MOV10L1: variants seen among roughly 807,000 people sequenced by gnomAD.
The protein encoded by MOV10L1 is RNA helicase Mov10l1.
In MOV10L1, 110 loss-of-function variants were observed where a neutral mutation model predicts 143.8. The observed-to-expected ratio is 0.76, with a 90% CI of 0.66 to 0.90. The LOEUF is 0.90. Among genes scored for constraint, MOV10L1 ranks in the 40% least tolerant of loss-of-function variants. The probability of loss-of-function intolerance (pLI) is 0.00; values close to 1 mark genes in which losing one functional copy is unlikely to be tolerated. For synonymous variants in MOV10L1, 593 were observed against 581.1 expected (o/e 1.02, Z -0.29); for missense variants, 1,406 against 1,526.8 (o/e 0.92, Z 1.32).
At chr22:50,126,117 C>G in intron 11 of MOV10L1, 85 bp from the exon 12 acceptor site, 1 of 904,392 alleles carries the variant, frequency 1.1e-6, no homozygotes, top group Non-Finnish European at 1.8e-6. Flanking sequence ...TTTATTGAAC[C>G]TCCTCAGTGT....
rs1181212635 is a variant in MOV10L1, at chr22:50,099,515, G to T, written c.355G>T (p.Val119Leu). The change falls in exon 3 of 27, where the codon GTG (valine) becomes TTG (leucine). Residue 119 changes from valine (V) to leucine (L), a missense_variant. This residue lies in a region of MOV10L1 where 166 missense variants were observed against 153.9 expected (regional missense o/e 1.08). Transcript: ENST00000262794. ...GAGTCCCTCAGACTGCGGCCCCCGA[G>T]TGTTGATTGGCTGTGTGACTTCCCT... is the stretch of plus-strand genomic sequence containing the variant. The part of the protein sequence containing the change: ...HGSPSDCGPR[V>L]LIGCVTSLVE... 6.2e-7 allele frequency: 1 copy of T among 1,614,090 alleles called. No individual in the cohort carries two copies. Among genetic ancestry groups the T allele is most frequent in the African/African-American group, 1.3e-5 (1 of 74,926 alleles).
chr22:50,141,914 C>G (rs945026246), intron 15 of MOV10L1, among the ~76,000 whole-genome samples, 167 bp from the exon 16 acceptor site: 2 of 152,070 alleles, frequency 1.3e-5, no homozygotes, highest in African/African-American at 2.4e-5. Flanking sequence ...TTTATCTGAT[C>G]GTTTGTTTTT....
Position 50,159,834 on chromosome 22 carries a change from C to T in MOV10L1, c.3324+49C>T, listed in dbSNP as rs1306209839. 19 of 1,303,300 alleles carry T rather than the reference C, an allele frequency of 1.5e-5. No individual in the cohort carries two copies. The highest frequency in any genetic ancestry group is 2.3e-5 in the East Asian group (1 of 43,022). 80.7% of individuals were successfully genotyped at this position (1,303,300 alleles called of 1,614,324 possible). On this transcript the variant is annotated intron_variant, in intron 24 of 26. Transcript: ENST00000262794. The surrounding 1 kb of genome is among the most constrained non-coding windows in gnomAD (Gnocchi z 4.1). ...GGATGGACAGTCAGGTGCTTGCTGC[C>T]CTGGGGGTTCTGGGGGCTTCAGATC...
Position 50,161,619 on chromosome 22 carries a change from T to A in MOV10L1, c.*170T>A. The A allele has an allele frequency of 3.2e-6, 2 of 622,600 alleles. No individual in the cohort carries two copies. The highest frequency in any genetic ancestry group is 5.4e-6 in the Non-Finnish European group (2 of 367,996). 38.6% of individuals were successfully genotyped at this position (622,600 alleles called of 1,614,324 possible). A position where few individuals can be genotyped will look rare whatever the true frequency, so the allele number is the denominator to read the frequency against. On this transcript the variant is annotated 3_prime_UTR_variant, in exon 27 of 27. Transcript: ENST00000262794. ...CTGCTGCTGCCCTGACTTTGGCATA[T>A]GCCAGCCTGTTCCTGCCACAGGGCA...
chr22:50,108,925 A>C (rs2061947132), intron 5 of MOV10L1, 81 bp downstream of exon 5: 1 of 1,399,872 alleles, frequency 7.1e-7, no homozygotes, highest in East Asian at 2.3e-5. Context: ...CAGACGGATC[A>C]CCTGAGGTTG....
Position 50,128,845 on chromosome 22 carries a change from CT to C in MOV10L1, c.1910+351del, listed in dbSNP as rs71751232. Among the ~76,000 whole-genome samples, 418 of 141,278 alleles carry C rather than the reference CT, an allele frequency of 3.0e-3. 1 individual carries two copies. Among genetic ancestry groups the C allele is most frequent in the Middle Eastern group, 0.014 (4 of 276 alleles). The allele number at this position is 141,278 out of a possible 152,430, so 92.7% of individuals were successfully genotyped here. A position where few individuals can be genotyped will look rare whatever the true frequency, so the allele number is the denominator to read the frequency against. On this transcript the variant is annotated intron_variant, in intron 13 of 26. Coordinates refer to ENST00000262794, the MANE Select transcript of MOV10L1 (RefSeq NM_018995.3). ...GGCGTGAGTCACCACGCCCGGCCATCTTTTTTTTTTTTTAATAGAGATGGGG... is the reference window on the plus strand; with the variant it reads ...GGCGTGAGTCACCACGCCCGGCCATCTTTTTTTTTTTTAATAGAGATGGGG...
chr22:50,156,483 T>C (rs888199172), intron 22 of MOV10L1, among the ~76,000 whole-genome samples: 9 of 152,230 alleles, frequency 5.9e-5, no homozygotes, highest in African/African-American at 1.2e-4. Context: ...TCCAGAACTT[T>C]TATCTTGCAG....
At chr22:50,123,414 G>C (rs192830808) in intron 10 of MOV10L1, among the ~76,000 whole-genome samples, 130 of 152,190 alleles carry the variant, frequency 8.5e-4, no homozygotes, top group African/African-American at 2.9e-3. Flanking sequence ...GCCCAGGCTG[G>C]AGTGCAATGG....
Position 50,158,342 on chromosome 22 carries a change from A to G in MOV10L1, c.3216+136A>G, listed in dbSNP as rs963374390. ...TTTAAAGGGGCAGGACCGCACTTGAATGTCGTTCAACATGAGAGGTCACCC... is the reference window on the plus strand; with the variant it reads ...TTTAAAGGGGCAGGACCGCACTTGAGTGTCGTTCAACATGAGAGGTCACCC... On this transcript the variant is annotated intron_variant, in intron 23 of 26. Coordinates refer to ENST00000262794, the MANE Select transcript of MOV10L1 (RefSeq NM_018995.3). This position sits in a 1 kb window ranked among gnomAD's most constrained non-coding sequence, Gnocchi z 5.0. 10 of 1,103,226 alleles carry G rather than the reference A, an allele frequency of 9.1e-6. No individual in the cohort carries two copies. In the African/African-American group the frequency reaches 1.6e-4, roughly 18 times the overall value. The allele number at this position is 1,103,226 out of a possible 1,614,324, so 68.3% of individuals were successfully genotyped here.
intron 19 of MOV10L1, among the ~76,000 whole-genome samples, chr22:50,147,763 C>A (rs959365450): frequency 3.3e-5 from 5 of 152,264 alleles, no homozygotes; most frequent in African/African-American, 4.8e-5. Flanking sequence ...TAAATACTTA[C>A]ATTCTAGGAA....
chr22:50,099,293 C>T, intron 2 of MOV10L1, 150 bp from the exon 3 acceptor site: 1 of 833,618 alleles, frequency 1.2e-6, no homozygotes, highest in Non-Finnish European at 1.8e-6. Flanking sequence ...GACGGTATAC[C>T]AGGAAGAAGG....
At chr22:50,114,012 G>A (rs539275214) in intron 6 of MOV10L1, among the ~76,000 whole-genome samples, 12 of 148,080 alleles carry the variant, frequency 8.1e-5, no homozygotes, top group South Asian at 2.2e-4. Flanking sequence ...TCCGCCTCCC[G>A]GGTTCACACC....
Position 50,091,955 on chromosome 22 carries a change from C to T in MOV10L1, c.98-46C>T, listed in dbSNP as rs771921247. The stretch of plus-strand genomic sequence containing the variant: ...CTCTGGTGGGGTTCACTGTAGCGTA[C>T]GCTTGCTTTTATGGCCAAGATAACT... On this transcript the variant is annotated intron_variant, in intron 1 of 26. Coordinates refer to ENST00000262794, the MANE Select transcript of MOV10L1 (RefSeq NM_018995.3). 9 of 1,577,650 alleles carry T rather than the reference C, an allele frequency of 5.7e-6. No individual in the cohort carries two copies. The African/African-American group carries it at 6.7e-5, about 12-fold the overall frequency.
Position 50,143,173 on chromosome 22 carries a change from A to T in MOV10L1, c.2310A>T (p.Gly770=). ...GTCCCCTCCCGTATATTCTCTTTGG[A>T]CCTCCTGGTACTGGAAAGACAGTGA... ...DCRPLPYILF[G]PPGTGKTVTI... is the part of the protein sequence containing the mutation. Residue 770 remains glycine, a synonymous_variant, in exon 17 of 27, where the codon GGA becomes GGT. Coordinates refer to ENST00000262794, the MANE Select transcript of MOV10L1 (RefSeq NM_018995.3). 6.2e-7 allele frequency: 1 copy of T among 1,614,032 alleles called. No homozygotes were observed. The highest frequency in any genetic ancestry group is 8.5e-7 in the Non-Finnish European group (1 of 1,180,018).
At chr22:50,147,812 C>T (rs2063193147) in intron 19 of MOV10L1, among the ~76,000 whole-genome samples, 1 of 152,200 alleles carries the variant, frequency 6.6e-6, no homozygotes, top group Non-Finnish European at 1.5e-5. Flanking sequence ...GAAATAGGGA[C>T]ATGAGATGGG....
intron 4 of MOV10L1, 117 bp from the exon 5 acceptor site, chr22:50,108,540 G>A (rs527977489): frequency 2.3e-5 from 26 of 1,114,058 alleles, no homozygotes; most frequent in African/African-American, 1.8e-4. Flanking sequence ...ACGGGATGGC[G>A]GACTTGAGCT....
chr22:50,108,774 G>A lies in MOV10L1; in HGVS notation c.673G>A (p.Ala225Thr), dbSNP rs1569279872. The change falls in exon 5 of 27, where the codon GCA (alanine) becomes ACA (threonine). Residue 225 changes from alanine (A) to threonine (T), a missense_variant. Coordinates refer to ENST00000262794, the MANE Select transcript of MOV10L1 (RefSeq NM_018995.3). ...ACCCCGGAGAGGTGACGTGGTCAATGCAGTGGTGGTGGAGAGCAGCCAGTC... is the reference window on the plus strand; with the variant it reads ...ACCCCGGAGAGGTGACGTGGTCAATACAGTGGTGGTGGAGAGCAGCCAGTC... ...YTPRRGDVVN[A>T]VVVESSQSCY... 1 of 1,614,216 alleles carries A rather than the reference G, an allele frequency of 6.2e-7. No homozygotes were observed. Among genetic ancestry groups the A allele is most frequent in the Non-Finnish European group, 8.5e-7 (1 of 1,180,046 alleles).
intron 22 of MOV10L1, among the ~76,000 whole-genome samples, chr22:50,154,187 G>C (rs1444100395): frequency 6.6e-6 from 1 of 152,134 alleles, no homozygotes; most frequent in Non-Finnish European, 1.5e-5. Flanking sequence ...TCTGAGGCAG[G>C]TCCCTCCCCT....
chr22:50,115,285 G>GT, intron 8 of MOV10L1, 39 bp downstream of exon 8: 1 of 1,458,898 alleles, frequency 6.9e-7, no homozygotes, highest in Admixed American at 2.9e-5. Context: ...GCGTTTTTAA[G>GT]TTTCTCTGAT....
Sources: allele counts gnomAD v4.1 joint callset (sites outside exome capture counted in the v4.1 genomes callset), GRCh38; gene constraint gnomAD v4.1.1; regional missense constraint gnomAD v4.1.1; non-coding constraint Gnocchi (gnomAD v3.1); transcripts MANE v1.5; gene names NCBI Gene and HGNC (gene_info 2026-07-23, HGNC 2026-07-21).